PLXDC2: variants seen among roughly 807,000 people sequenced by gnomAD.
PLXDC2 encodes the protein plexin domain containing 2.
A neutral mutation model predicts 68.9 loss-of-function variants in PLXDC2; 40 were observed. The ratio of observed to expected loss-of-function variants is 0.58; its 90% confidence interval spans 0.45 to 0.76. The LOEUF is 0.76. Among genes scored for constraint, PLXDC2 ranks in the 30% least tolerant of loss-of-function variants. The pLI, the probability that PLXDC2 is intolerant of heterozygous loss-of-function variation, is 0.00. For missense variants in PLXDC2, 644 were observed against 661.9 expected (o/e 0.97, Z 0.30); for synonymous variants, 243 against 234.2 (o/e 1.04, Z -0.34).
At chr10:20,118,129 CACACACACAG>C (rs1197684685) in intron 4 of PLXDC2, among the ~76,000 whole-genome samples, 3 of 136,622 alleles carry the variant, frequency 2.2e-5, no homozygotes, top group Non-Finnish European at 5.0e-5. Flanking sequence ...CACACACACA[CACACACACAG>C]ACACACACAC....
Position 19,975,446 on chromosome 10 carries a change from A to G in PLXDC2, c.113-26329A>G, listed in dbSNP as rs57023925. ...GCCCTCCAGCCTGGGAGACAGAGCG[A>G]GACTCCATCTCAAATAAATAAATAA... On this transcript the variant is annotated intron_variant, in intron 1 of 13. Coordinates refer to ENST00000377252, the MANE Select transcript of PLXDC2 (RefSeq NM_032812.9). Among the ~76,000 whole-genome samples, 1,223 of 152,272 alleles carry G rather than the reference A, an allele frequency of 8.0e-3. 23 individuals carry two copies. The highest frequency in any genetic ancestry group is 0.028 in the African/African-American group (1,159 of 41,550).
At chr10:19,872,042 T>C (rs1837548231) in intron 1 of PLXDC2, among the ~76,000 whole-genome samples, 1 of 152,158 alleles carries the variant, frequency 6.6e-6, no homozygotes, top group Non-Finnish European at 1.5e-5. Flanking sequence ...AATAAGTCAT[T>C]ATTGAATGAA....
intron 1 of PLXDC2, among the ~76,000 whole-genome samples, chr10:19,956,028 A>C (rs536795541): frequency 6.6e-6 from 1 of 152,308 alleles, no homozygotes; most frequent in African/African-American, 2.4e-5. Context: ...GCAGTGAGCC[A>C]AGACTGCGGC....
intron 1 of PLXDC2, among the ~76,000 whole-genome samples, chr10:19,955,783 T>G (rs1277122026): frequency 6.6e-6 from 1 of 152,164 alleles, no homozygotes; most frequent in Non-Finnish European, 1.5e-5. Context: ...TCATTTAAAA[T>G]TTTGAAACAT....
Position 20,279,924 on chromosome 10 carries a change from T to G in PLXDC2, c.*105T>G. ...AACAAACACACACACAAACAAGCTC[T>G]AAGCTGCTGTAGCCTGAAGAAGACA... On this transcript the variant is annotated 3_prime_UTR_variant, in exon 14 of 14. Transcript: ENST00000377252. The G allele has an allele frequency of 2.2e-5, 18 of 825,676 alleles. No homozygotes were observed. The highest frequency in any genetic ancestry group is 2.8e-5 in the Non-Finnish European group (14 of 498,946). 51.1% of individuals were successfully genotyped at this position (825,676 alleles called of 1,614,324 possible).
chr10:19,886,977 A>G (rs1298089290), intron 1 of PLXDC2, among the ~76,000 whole-genome samples: 1 of 152,202 alleles, frequency 6.6e-6, no homozygotes, highest in Non-Finnish European at 1.5e-5. Flanking sequence ...TGATAGAATG[A>G]GAATGAAAAA....
chr10:20,152,478 G>A (rs1426502736), intron 6 of PLXDC2, among the ~76,000 whole-genome samples: 1 of 152,026 alleles, frequency 6.6e-6, no homozygotes. Context: ...TTACACAGCT[G>A]CATATTTTAA....
At chr10:20,039,346 T>A (rs764739560) in intron 2 of PLXDC2, among the ~76,000 whole-genome samples, 2 of 152,230 alleles carry the variant, frequency 1.3e-5, no homozygotes, top group Non-Finnish European at 2.9e-5. Context: ...TTTACGGCAT[T>A]TCTTTTAATG....
chr10:19,973,476 T>G (rs1834396495), intron 1 of PLXDC2, among the ~76,000 whole-genome samples: 1 of 152,024 alleles, frequency 6.6e-6, no homozygotes, highest in Non-Finnish European at 1.5e-5. Context: ...AAGAAGGATA[T>G]TTGTTCAAAG....
intron 1 of PLXDC2, among the ~76,000 whole-genome samples, chr10:19,970,040 A>G (rs1293000288): frequency 6.6e-6 from 1 of 152,182 alleles, no homozygotes; most frequent in African/African-American, 2.4e-5. Context: ...CATTGGAAGA[A>G]GTTTAATCTC....
At chr10:19,915,171 T>C (rs1833342932) in intron 1 of PLXDC2, among the ~76,000 whole-genome samples, 1 of 152,202 alleles carries the variant, frequency 6.6e-6, no homozygotes, top group Non-Finnish European at 1.5e-5. Context: ...ATTTGTTTTC[T>C]GTTTGTTTTC....
At chr10:20,199,714 G>A (rs1420663681) in intron 9 of PLXDC2, among the ~76,000 whole-genome samples, 3 of 151,760 alleles carry the variant, frequency 2.0e-5, no homozygotes, top group Admixed American at 2.0e-4. Context: ...ACATCTATTC[G>A]ATCAGATTCA....
intron 9 of PLXDC2, among the ~76,000 whole-genome samples, chr10:20,210,667 C>G (rs1835057446): frequency 6.6e-6 from 1 of 152,158 alleles, no homozygotes; most frequent in Non-Finnish European, 1.5e-5. Context: ...CTCAGAAAAG[C>G]TGTTATACTC....
At chr10:20,175,300 A>G (rs899413498) in intron 7 of PLXDC2, among the ~76,000 whole-genome samples, 1 of 152,212 alleles carries the variant, frequency 6.6e-6, no homozygotes, top group Non-Finnish European at 1.5e-5. Context: ...AAACTGAGGC[A>G]CAGAAAAGCT....
intron 11 of PLXDC2, among the ~76,000 whole-genome samples, chr10:20,218,797 A>G (rs192153291): frequency 7.9e-5 from 12 of 152,244 alleles, no homozygotes; most frequent in Admixed American, 2.0e-4. Flanking sequence ...TTAACTTTTA[A>G]TTATTACTGC....
intron 1 of PLXDC2, among the ~76,000 whole-genome samples, chr10:19,909,809 CACTT>C (rs1374203090): frequency 2.0e-5 from 3 of 152,114 alleles, no homozygotes; most frequent in Non-Finnish European, 4.4e-5. Context: ...GCTTTCGTAA[CACTT>C]ACTATAAGCC....
chr10:19,996,219 T>G (rs1366620737), intron 1 of PLXDC2, among the ~76,000 whole-genome samples: 1 of 152,136 alleles, frequency 6.6e-6, no homozygotes, highest in Non-Finnish European at 1.5e-5. Context: ...GGTGGGAGGA[T>G]TGCTTGGGGC....
In PLXDC2 at chr10:19,903,883, A is replaced by G. The variant is rs149576039; in HGVS notation, c.112+86692A>G. 3.4e-3 allele frequency among the ~76,000 whole-genome samples: 521 copies of G among 152,120 alleles called. 5 individuals carry two copies. The highest frequency in any genetic ancestry group is 0.012 in the African/African-American group (499 of 41,520). On this transcript the variant is annotated intron_variant, in intron 1 of 13. Transcript: ENST00000377252. ...CTCAGAGGTTTTGATAGGATGTGTC[A>G]CTATTATCGTTCAGTTCAAATATTT...
In PLXDC2 at chr10:20,001,835, C is replaced by G; in HGVS notation, c.173C>G (p.Ser58Ter). ...PHTEEEVEVD[S>*]HAYSHRWKRN... ...ACAGAGGAGGAGGTGGAAGTTGATT[C>G]ACACGCGTACAGCCACAGGTGGAAA... Residue 58 changes from serine (S) to a stop codon, truncating the protein, a stop_gained, in exon 2 of 14, where the codon TCA (serine) becomes TGA (stop). Transcript: ENST00000377252. LOFTEE classifies it high-confidence loss of function. 6.2e-7 allele frequency: 1 copy of G among 1,614,034 alleles called. No individual in the cohort carries two copies. Among genetic ancestry groups the G allele is most frequent in the Non-Finnish European group, 8.5e-7 (1 of 1,179,984 alleles).
Sources: gnomAD v4.1 joint callset for allele counts (sites outside exome capture counted in the v4.1 genomes callset) on GRCh38, gnomAD v4.1.1 for gene constraint, MANE v1.5 for transcripts, NCBI Gene and HGNC (gene_info 2026-07-23, HGNC 2026-07-21) for gene names.